Variants in STK32B observed in about 807,000 individuals in gnomAD.
STK32B encodes the protein serine/threonine-protein kinase 32B.
A neutral mutation model predicts 52.6 loss-of-function variants in STK32B; 43 were observed. That is an observed-to-expected ratio of 0.82 (90% CI 0.64 to 1.05). The LOEUF is 1.05. STK32B is among the 50% of genes least tolerant of loss of function. STK32B has a pLI of 0.00. For synonymous variants in STK32B, 238 were observed against 204.3 expected (o/e 1.17, Z -1.41); for missense variants, 621 against 534.6 (o/e 1.16, Z -1.59).
At chr4:5,497,176 T>G (rs1259478957) in intron 11 of STK32B, among the ~76,000 whole-genome samples, 1 of 152,204 alleles carries the variant, frequency 6.6e-6, no homozygotes, top group Admixed American at 6.5e-5. Context: ...CCTGCAGTAT[T>G]TGAACATGTT....
chr4:5,430,639 G>A (rs557563215), intron 6 of STK32B, among the ~76,000 whole-genome samples: 2 of 152,134 alleles, frequency 1.3e-5, no homozygotes, highest in Admixed American at 6.5e-5. Flanking sequence ...TTTGCATGAT[G>A]TAAAGGAAAA....
chr4:5,262,697 A>AT (rs1327325418), intron 3 of STK32B, among the ~76,000 whole-genome samples: 1 of 152,050 alleles, frequency 6.6e-6, no homozygotes, highest in Non-Finnish European at 1.5e-5. Context: ...GTATTAACCA[A>AT]TTTTTTAAAG....
At chr4:5,048,489 G>T (rs192091253), upstream of STK32B, among the ~76,000 whole-genome samples, 5 of 152,232 alleles carry the variant, frequency 3.3e-5, no homozygotes, top group East Asian at 1.9e-4. Context: ...TAGAGATGGG[G>T]TTTCACCGTG....
chr4:5,317,969 A>T (rs903702412), intron 3 of STK32B, among the ~76,000 whole-genome samples: 6 of 152,158 alleles, frequency 3.9e-5, no homozygotes, highest in African/African-American at 9.7e-5. Context: ...ACCAAGTCAG[A>T]AACTCTGAGG....
chr4:5,164,895 C>A (rs570036577), intron 2 of STK32B, among the ~76,000 whole-genome samples: 36 of 152,220 alleles, frequency 2.4e-4, no homozygotes, highest in African/African-American at 8.4e-4. Context: ...GTTTTTTTCT[C>A]TTTTAGCCTC....
chr4:5,496,070 C>G (rs1030246594), intron 11 of STK32B, among the ~76,000 whole-genome samples: 1 of 152,216 alleles, frequency 6.6e-6, no homozygotes, highest in African/African-American at 2.4e-5. Context: ...TCTCAGATCT[C>G]CAGCTGCATG....
At position 5,388,645 on chromosome 4, in the gene STK32B, A is replaced by C. The variant is rs192198293; in HGVS notation, c.435-9562A>C. Among the ~76,000 whole-genome samples the C allele has an allele frequency of 2.8e-3, 421 of 152,218 alleles. 3 individuals are homozygous for C. Among genetic ancestry groups the C allele is most frequent in the African/African-American group, 9.6e-3 (400 of 41,534 alleles). On this transcript the variant is annotated intron_variant, in intron 4 of 11. Transcript: ENST00000282908. Reference sequence around the variant, plus strand: ...GGCTGACTCACGGATCTATCATTTCAATTTAGTGTTCTAGTTGGAAGTAGA... The same window carrying C: ...GGCTGACTCACGGATCTATCATTTCCATTTAGTGTTCTAGTTGGAAGTAGA...
At chr4:5,094,784 T>C (rs1333212872) in intron 1 of STK32B, among the ~76,000 whole-genome samples, 1 of 152,214 alleles carries the variant, frequency 6.6e-6, no homozygotes, top group African/African-American at 2.4e-5. Context: ...TCAAAAGTTA[T>C]ACACAGACTT....
chr4:5,231,625 C>G (rs909219775), intron 3 of STK32B, among the ~76,000 whole-genome samples: 4 of 151,574 alleles, frequency 2.6e-5, no homozygotes, highest in African/African-American at 9.7e-5. Flanking sequence ...AACAGAAACA[C>G]AAAACAAAAC....
chr4:5,474,449 G>A (rs28607918), intron 11 of STK32B, among the ~76,000 whole-genome samples: 15,866 of 152,264 alleles, frequency 0.1, 1,618 homozygotes, highest in African/African-American at 0.27. Flanking sequence ...TGCCATCTGC[G>A]AAGTGCTTTG....
At position 5,499,875 on chromosome 4, in the gene STK32B, A is replaced by C. The variant is rs1720597067; in HGVS notation, c.*792A>C. The C allele has an allele frequency of 6.6e-6, 1 of 152,318 alleles. No individual in the cohort carries two copies. Among genetic ancestry groups the C allele is most frequent in the Non-Finnish European group, 1.5e-5 (1 of 68,134 alleles). 9.4% of individuals were successfully genotyped at this position (152,318 alleles called of 1,614,324 possible). A position where few individuals can be genotyped will look rare whatever the true frequency, so the allele number is the denominator to read the frequency against. ...TCCTGCAGAGTGTAATCAGCACCCC[A>C]TCCAACTGGCCCGAAAGCCCAGACC... is the stretch of plus-strand genomic sequence containing the variant. On this transcript the variant is annotated 3_prime_UTR_variant, in exon 12 of 12. Transcript: ENST00000282908.
chr4:5,357,462 G>T (rs560210391), intron 4 of STK32B, among the ~76,000 whole-genome samples: 2 of 152,156 alleles, frequency 1.3e-5, no homozygotes, highest in African/African-American at 4.8e-5. Context: ...AAGGAGCAAG[G>T]ATAAAATCTG....
chr4:5,492,714 G>C (rs1213451789), intron 11 of STK32B, among the ~76,000 whole-genome samples: 2 of 151,178 alleles, frequency 1.3e-5, no homozygotes, highest in Non-Finnish European at 2.9e-5. Context: ...CTGTGGGTTT[G>C]TCATAGATAG....
chr4:5,074,188 A>ATATATGTGTGTGTGTGTG lies in STK32B; in HGVS notation c.52+22274_52+22275insATATGTGTGTGTGTGTGT, dbSNP rs375845988. Among the ~76,000 whole-genome samples, 211 of 148,896 alleles carry ATATATGTGTGTGTGTGTG rather than the reference A, an allele frequency of 1.4e-3. 1 individual carries two copies. Among genetic ancestry groups the ATATATGTGTGTGTGTGTG allele is most frequent in the African/African-American group, 5.1e-3 (205 of 40,518 alleles). ...ATTCTGTTCATTTGTAAATATATAT[A>ATATATGTGTGTGTGTGTG]TGTGTGTGTGTGTGTGTGTGTGCGC... is the stretch of plus-strand genomic sequence containing the variant. On this transcript the variant is annotated intron_variant, in intron 1 of 11. Coordinates refer to ENST00000282908, the MANE Select transcript of STK32B (RefSeq NM_018401.3).
intron 4 of STK32B, among the ~76,000 whole-genome samples, chr4:5,370,969 T>C (rs1318946234): frequency 6.8e-6 from 1 of 147,272 alleles, no homozygotes; most frequent in African/African-American, 2.6e-5. Context: ...CAAGACACTA[T>C]CTAAATATAT....
At chr4:5,029,642 A>G in the STK32B span, among the ~76,000 whole-genome samples, 1 of 152,174 alleles carries the variant, frequency 6.6e-6, no homozygotes, top group Non-Finnish European at 1.5e-5. Context: ...CGGCTCCTGC[A>G]GACGAACCCA....
intron 1 of STK32B, among the ~76,000 whole-genome samples, chr4:5,131,505 C>G (rs1042970052): frequency 6.6e-6 from 1 of 152,212 alleles, no homozygotes; most frequent in Non-Finnish European, 1.5e-5. Context: ...TGAAAAACTT[C>G]CTAGAGCCCT....
intron 6 of STK32B, among the ~76,000 whole-genome samples, chr4:5,433,480 T>C (rs1010513303): frequency 2.6e-5 from 4 of 152,094 alleles, no homozygotes; most frequent in African/African-American, 7.2e-5. Context: ...GGTCTTGCCT[T>C]GAAGAAAGTA....
At chr4:5,043,543 A>G in the STK32B span, among the ~76,000 whole-genome samples, 1 of 152,168 alleles carries the variant, frequency 6.6e-6, no homozygotes, top group Non-Finnish European at 1.5e-5. Flanking sequence ...TGCTTCCATG[A>G]TATCTTAGCA....
Sources: gnomAD v4.1 joint callset for allele counts (sites outside exome capture counted in the v4.1 genomes callset) on GRCh38, gnomAD v4.1.1 for gene constraint, MANE v1.5 for transcripts, NCBI Gene and HGNC (gene_info 2026-07-23, HGNC 2026-07-21) for gene names.